Variants in FAF1 observed in about 807,000 individuals in gnomAD.
The protein encoded by FAF1 is FAS-associated factor 1.
Under a neutral mutation model 92.5 loss-of-function variants are expected in FAF1, and 25 were observed. The ratio of observed to expected loss-of-function variants is 0.27; its 90% confidence interval spans 0.20 to 0.38. The LOEUF (loss-of-function observed/expected upper bound fraction) is 0.38. Among genes scored for constraint, FAF1 ranks in the 10% least tolerant of loss-of-function variants. FAF1 has a pLI of 1.00. For missense variants in FAF1, 636 were observed against 793.3 expected (o/e 0.80, Z 2.38); for synonymous variants, 234 against 273.2 (o/e 0.86, Z 1.42).
intron 6 of FAF1, among the ~76,000 whole-genome samples, chr1:50,713,836 T>A (rs1161836355): frequency 6.8e-6 from 1 of 147,748 alleles, no homozygotes; most frequent in African/African-American, 2.5e-5. Context: ...TGCAGTGGCA[T>A]GATCTCGGTT....
At chr1:50,555,228 C>T (rs1254573302) in intron 13 of FAF1, among the ~76,000 whole-genome samples, 2 of 151,292 alleles carry the variant, frequency 1.3e-5, no homozygotes, top group Non-Finnish European at 2.9e-5. Context: ...CACACACATA[C>T]ACACACACCA....
chr1:50,532,003 A>T (rs189900704), intron 15 of FAF1, among the ~76,000 whole-genome samples: 2 of 152,262 alleles, frequency 1.3e-5, no homozygotes, highest in East Asian at 3.9e-4. Flanking sequence ...CTAATTTTTT[A>T]AAAATAAAGG....
intron 18 of FAF1, among the ~76,000 whole-genome samples, chr1:50,473,694 C>T (rs1315716558): frequency 2.0e-5 from 3 of 152,102 alleles, no homozygotes; most frequent in South Asian, 2.1e-4. Flanking sequence ...AAGGGGATGA[C>T]CTTGGAGCAG....
rs192276441 is a variant in FAF1 at position 50,585,975 on chromosome 1, C to T, written c.841-1164G>A. 8.8e-4 allele frequency among the ~76,000 whole-genome samples: 134 copies of T among 151,884 alleles called. 1 individual carries two copies. Among genetic ancestry groups the T allele is most frequent in the Admixed American group, 8.7e-3 (133 of 15,256 alleles). On this transcript the variant is annotated intron_variant, in intron 9 of 18. Coordinates refer to ENST00000396153, the MANE Select transcript of FAF1 (RefSeq NM_007051.3). The stretch of plus-strand genomic sequence containing the variant: ...GGCTGAGGCAGGAGGATCACTTGAG[C>T]CCACGAGGTCAAGGTTGCAGTGAGC...
intron 18 of FAF1, among the ~76,000 whole-genome samples, chr1:50,474,095 A>C (rs1268097963): frequency 6.6e-6 from 1 of 152,218 alleles, no homozygotes; most frequent in African/African-American, 2.4e-5. Context: ...TTCACGACAC[A>C]AGATATTCCT....
intron 1 of FAF1, among the ~76,000 whole-genome samples, chr1:50,865,165 G>A (rs931935480): frequency 1.4e-4 from 22 of 152,096 alleles, no homozygotes; most frequent in South Asian, 6.2e-4. Context: ...TTAGAATGGC[G>A]ATCATTAAAA....
At chr1:50,483,552 GTTTTA>G (rs1325301514) in intron 17 of FAF1, among the ~76,000 whole-genome samples, 1 of 152,106 alleles carries the variant, frequency 6.6e-6, no homozygotes, top group Non-Finnish European at 1.5e-5. Context: ...AAGAATTCAG[GTTTTA>G]TTTTGAGATG....
In FAF1 at chr1:50,573,099, TTTTTC is replaced by T. The variant is rs1226496615; in HGVS notation, c.1114-5873_1114-5869del. The stretch of plus-strand genomic sequence containing the variant: ...TGACTTCTCTGTGACTGAAGCTGAA[TTTTTC>T]TTTTCTTTTTTTTTTTTTTGAGACA... On this transcript the variant is annotated intron_variant, in intron 12 of 18. Transcript: ENST00000396153. Among the ~76,000 whole-genome samples the T allele has an allele frequency of 5.3e-5, 8 of 151,822 alleles. No individual in the cohort carries two copies. The South Asian group carries it at 1.2e-3, about 24-fold the overall frequency.
intron 4 of FAF1, among the ~76,000 whole-genome samples, chr1:50,770,835 G>C (rs1425017969): frequency 6.6e-6 from 1 of 152,152 alleles, no homozygotes; most frequent in African/African-American, 2.4e-5. Flanking sequence ...AAAGCTGGAG[G>C]CACCACATTA....
chr1:50,481,356 C>T (rs1240940648), intron 17 of FAF1, among the ~76,000 whole-genome samples: 1 of 152,310 alleles, frequency 6.6e-6, no homozygotes, highest in African/African-American at 2.4e-5. Context: ...GTACCCTACA[C>T]AGGTGCAACA....
intron 8 of FAF1, among the ~76,000 whole-genome samples, chr1:50,624,410 G>T (rs868286408): frequency 3.0e-4 from 46 of 152,266 alleles, no homozygotes; most frequent in African/African-American, 1.1e-3. Flanking sequence ...GCCTCCCAAA[G>T]TGCTGGGATT....
chr1:50,901,606 C>CT (rs974175430), intron 1 of FAF1, among the ~76,000 whole-genome samples: 1 of 152,030 alleles, frequency 6.6e-6, no homozygotes, highest in African/African-American at 2.4e-5. Flanking sequence ...AGACTCATGC[C>CT]TGTAATCTCA....
chr1:50,512,407 A>C lies in FAF1; in HGVS notation c.1495-20606T>G, dbSNP rs539188751. 8.5e-5 allele frequency among the ~76,000 whole-genome samples: 13 copies of C among 152,140 alleles called. No homozygotes were observed. The South Asian group carries it at 2.7e-3, about 32-fold the overall frequency. ...TTAAGTCTTTAATCCACCTTGAGTTAATTTTTGTATAAGGTGGAAGGAAGG... is the reference window on the plus strand; with the variant it reads ...TTAAGTCTTTAATCCACCTTGAGTTCATTTTTGTATAAGGTGGAAGGAAGG... On this transcript the variant is annotated intron_variant, in intron 15 of 18. Coordinates refer to ENST00000396153, the MANE Select transcript of FAF1 (RefSeq NM_007051.3).
Position 50,550,185 on chromosome 1 carries a change from C to T in FAF1, c.1269-10457G>A, listed in dbSNP as rs183454687. ...GCTAACATGGTGAAACCCCTCTCTA[C>T]TAAAAATACAAAAAAATTAGCCGGG... On this transcript the variant is annotated intron_variant, in intron 13 of 18. Transcript: ENST00000396153. Among the ~76,000 whole-genome samples the T allele has an allele frequency of 2.0e-4, 30 of 151,748 alleles. No homozygotes were observed. In the East Asian group the frequency reaches 5.5e-3, roughly 28 times the overall value.
chr1:50,632,612 C>T (rs1308235364), intron 8 of FAF1, among the ~76,000 whole-genome samples: 1 of 152,190 alleles, frequency 6.6e-6, no homozygotes, highest in African/African-American at 2.4e-5. Flanking sequence ...TGCTTCCTAT[C>T]TCCCAGCAGA....
intron 6 of FAF1, among the ~76,000 whole-genome samples, chr1:50,721,502 C>T (rs565159999): frequency 2.6e-5 from 4 of 152,040 alleles, no homozygotes; most frequent in East Asian, 1.9e-4. Flanking sequence ...TGTGAGCCAC[C>T]GTGCCCGGCC....
At chr1:50,866,336 C>A (rs1442614950) in intron 1 of FAF1, among the ~76,000 whole-genome samples, 1 of 152,000 alleles carries the variant, frequency 6.6e-6, no homozygotes, top group Non-Finnish European at 1.5e-5. Flanking sequence ...GAAGTCCTAG[C>A]CAGAGCAGTC....
At chr1:50,483,807 A>G (rs779214277) in intron 17 of FAF1, among the ~76,000 whole-genome samples, 45 of 152,314 alleles carry the variant, frequency 3.0e-4, no homozygotes, top group Middle Eastern at 3.4e-3. Flanking sequence ...TGTAAACGAG[A>G]TAAGTCAAGG....
rs1272204024 is a variant in FAF1, at chr1:50,788,058, G to T, written c.309C>A (p.Phe103Leu). Reference sequence around the variant, plus strand: ...CATTTCTGTCTCTGTATTCAACCCTGAAGTCCAGCATCCGAGGTTGCCTTT... The same window carrying T: ...CATTTCTGTCTCTGTATTCAACCCTTAAGTCCAGCATCCGAGGTTGCCTTT... ...IVERQPRMLDFRVEYRDRNVD... is the reference protein window; with the variant it reads ...IVERQPRMLDLRVEYRDRNVD... The change falls in exon 4 of 19, where the codon TTC becomes TTA. Residue 103 changes from phenylalanine (F) to leucine (L), a missense_variant. By Grantham distance (22) the Phe-to-Leu change is conservative. Around this residue, in one of 2 missense-constraint regions of FAF1, gnomAD observed 317 missense variants for 342.4 expected, o/e 0.93. Coordinates refer to ENST00000396153, the MANE Select transcript of FAF1 (RefSeq NM_007051.3). 1 of 1,614,164 alleles carries T rather than the reference G, an allele frequency of 6.2e-7. No homozygotes were observed. Among genetic ancestry groups the T allele is most frequent in the Non-Finnish European group, 8.5e-7 (1 of 1,180,028 alleles).
Sources: gnomAD v4.1 joint callset for allele counts (sites outside exome capture counted in the v4.1 genomes callset) on GRCh38, gnomAD v4.1.1 for gene constraint, gnomAD v4.1.1 regional missense constraint, MANE v1.5 for transcripts, NCBI Gene and HGNC (gene_info 2026-07-23, HGNC 2026-07-21) for gene names.